The following SOS2 variants were observed in gnomAD, a reference collection of about 807,000 sequenced individuals.
The protein encoded by SOS2 is SOS Ras/Rho guanine nucleotide exchange factor 2, also known as son of sevenless homolog 2.
SOS2 carries 65 observed loss-of-function variants against 148.2 expected under a neutral mutation model. The observed-to-expected ratio is 0.44, with a 90% CI of 0.36 to 0.54. SOS2 has a LOEUF of 0.54. Among genes scored for constraint, SOS2 ranks in the 20% least tolerant of loss-of-function variants. The probability of loss-of-function intolerance (pLI) is 0.00; values close to 1 mark genes in which losing one functional copy is unlikely to be tolerated. For synonymous variants in SOS2, 539 were observed against 537.1 expected, an observed-to-expected ratio of 1.00 and a Z score of -0.05; for missense variants, 1,341 against 1,590.2, an observed-to-expected ratio of 0.84 and a Z score of 2.67.
At position 50,134,253 on chromosome 14, in the gene SOS2, A is replaced by C; in HGVS notation, c.2959-14T>G. ...TTCAAAGAATCTCTGGAATTAAACA[A>C]ATAACACAAGTGCATATATAGTAAG... On this transcript the variant is annotated splice_polypyrimidine_tract_variant and intron_variant, in intron 18 of 22. Transcript: ENST00000216373. 8.3e-7 allele frequency: 1 copy of C among 1,201,564 alleles called. No individual in the cohort carries two copies. Among genetic ancestry groups the C allele is most frequent in the Non-Finnish European group, 1.2e-6 (1 of 815,792 alleles). 74.4% of individuals were successfully genotyped at this position (1,201,564 alleles called of 1,614,324 possible). A position where few individuals can be genotyped will look rare whatever the true frequency, so the allele number is the denominator to read the frequency against.
intron 8 of SOS2, among the ~76,000 whole-genome samples, chr14:50,168,869 A>G (rs950094899): frequency 6.6e-6 from 1 of 152,188 alleles, no homozygotes; most frequent in Non-Finnish European, 1.5e-5. Context: ...TGCTTTGGTG[A>G]TCTACCAAGA....
chr14:50,141,562 C>T (rs371048038), intron 16 of SOS2, among the ~76,000 whole-genome samples: 4 of 152,062 alleles, frequency 2.6e-5, no homozygotes, highest in Non-Finnish European at 5.9e-5. Flanking sequence ...ATACATCTAG[C>T]AAAAGAGGTA....
intron 1 of SOS2, among the ~76,000 whole-genome samples, chr14:50,213,679 CA>C (rs1278362456): frequency 5.4e-5 from 8 of 147,254 alleles, no homozygotes; most frequent in South Asian, 2.2e-4. Context: ...CCCCCCACCC[CA>C]AAAAAAAACC....
chr14:50,171,370 T>C (rs1203109666), intron 8 of SOS2, among the ~76,000 whole-genome samples: 4 of 151,890 alleles, frequency 2.6e-5, no homozygotes, highest in African/African-American at 9.7e-5. Flanking sequence ...GCATTATTTA[T>C]AGTAACCAAA....
intron 7 of SOS2, among the ~76,000 whole-genome samples, chr14:50,175,074 T>A (rs1476282712): frequency 6.6e-6 from 1 of 152,246 alleles, no homozygotes; most frequent in African/African-American, 2.4e-5. Flanking sequence ...CAGCTCAGTT[T>A]GTCAGAAGTC....
At chr14:50,230,875 A>G in intron 1 of SOS2, 1 of 1,033,962 alleles carries the variant, frequency 9.7e-7, no homozygotes, top group Non-Finnish European at 1.2e-6. Flanking sequence ...AACTGTCTAA[A>G]TACCAGCGGG....
In SOS2 at chr14:50,150,223, A is replaced by T; in HGVS notation, c.2169T>A (p.Ala723=). 6.2e-7 allele frequency: 1 copy of T among 1,602,938 alleles called. No individual in the cohort carries two copies. ...CAATTGACTCTACCCATTTTTTCAT[A>T]GCTTTCCCTGGAAAAAGAACACATA... The part of the protein sequence containing the change: ...ESFISSVRGK[A]MKKWVESIAK... Residue 723 remains alanine, a synonymous_variant, in exon 14 of 23, where the codon GCT becomes GCA. Transcript: ENST00000216373.
chr14:50,146,611 C>T (rs778584680), intron 14 of SOS2, among the ~76,000 whole-genome samples: 30 of 152,148 alleles, frequency 2.0e-4, no homozygotes, highest in Non-Finnish European at 3.4e-4. Context: ...CATGCCACTG[C>T]ACTCCAGCCT....
At chr14:50,178,906 G>T (rs1378824059) in intron 7 of SOS2, among the ~76,000 whole-genome samples, 1 of 151,646 alleles carries the variant, frequency 6.6e-6, no homozygotes, top group Admixed American at 6.6e-5. Flanking sequence ...GCTAATTTTT[G>T]CATTTTTTAG....
intron 1 of SOS2, among the ~76,000 whole-genome samples, chr14:50,223,094 A>C (rs1392567976): frequency 6.6e-6 from 1 of 152,252 alleles, no homozygotes; most frequent in Non-Finnish European, 1.5e-5. Context: ...AAAAAAAGAC[A>C]ATATTCAAGA....
intron 11 of SOS2, among the ~76,000 whole-genome samples, chr14:50,157,991 A>G (rs1884873245): frequency 6.6e-6 from 1 of 152,160 alleles, no homozygotes; most frequent in Non-Finnish European, 1.5e-5. Flanking sequence ...TTTTCTAGAG[A>G]TACATAGAAA....
chr14:50,167,629 G>A (rs756284526), intron 8 of SOS2, among the ~76,000 whole-genome samples: 2 of 152,078 alleles, frequency 1.3e-5, no homozygotes, highest in Non-Finnish European at 2.9e-5. Context: ...AGCACTTTGG[G>A]AGGCTGAGGC....
intron 1 of SOS2, among the ~76,000 whole-genome samples, chr14:50,209,084 G>A (rs763817929): frequency 3.9e-5 from 6 of 152,170 alleles, no homozygotes; most frequent in African/African-American, 1.4e-4. Context: ...CTGTATTTGA[G>A]CTGGGACACC....
chr14:50,176,037 G>C (rs1354947050), intron 7 of SOS2, among the ~76,000 whole-genome samples: 1 of 152,178 alleles, frequency 6.6e-6, no homozygotes, highest in Non-Finnish European at 1.5e-5. Flanking sequence ...AATCCCCAAT[G>C]CAACAGTATT....
rs972027322 is a variant in SOS2 at position 50,180,579 on chromosome 14, T to C, written c.962A>G (p.His321Arg). The C allele has an allele frequency of 7.0e-7, 1 of 1,429,568 alleles. No individual in the cohort carries two copies. Among genetic ancestry groups the C allele is most frequent in the Non-Finnish European group, 9.6e-7 (1 of 1,041,792 alleles). The allele number at this position is 1,429,568 out of a possible 1,614,324, so 88.6% of individuals were successfully genotyped here. Reference sequence around the variant, plus strand: ...CCTTCAATTTAAGTTTACCTGAAAGTGTAGAGCAACTGCAGGTCTGGCCAT... The same window carrying C: ...CCTTCAATTTAAGTTTACCTGAAAGCGTAGAGCAACTGCAGGTCTGGCCAT... Reference protein sequence around the residue: ...KLMARPAVALHFQSIADGFKE... With the variant: ...KLMARPAVALRFQSIADGFKE... The change falls in exon 7 of 23, where the codon CAC (histidine) becomes CGC (arginine). Residue 321 changes from histidine (H) to arginine (R), a missense_variant. Physicochemically the swap from His to Arg is conservative, Grantham distance 29. Coordinates refer to ENST00000216373, the MANE Select transcript of SOS2 (RefSeq NM_006939.4).
intron 14 of SOS2, among the ~76,000 whole-genome samples, chr14:50,147,003 T>C (rs1018334456): frequency 3.3e-5 from 5 of 151,280 alleles, no homozygotes; most frequent in African/African-American, 1.2e-4. Flanking sequence ...GAGACTATCC[T>C]GGGCAATCAT....
chr14:50,178,670 G>GTGTATATATATATATATA (rs1566839555), intron 7 of SOS2, among the ~76,000 whole-genome samples: 1 of 67,964 alleles, frequency 1.5e-5, no homozygotes, highest in Admixed American at 1.7e-4. Context: ...GTGTGTGTGT[G>GTGTATATATATATATATA]CATATATATA....
chr14:50,201,023 G>C lies in SOS2; in HGVS notation c.275C>G (p.Ser92Cys). The C allele has an allele frequency of 6.2e-7, 1 of 1,613,898 alleles. No homozygotes were observed. The highest frequency in any genetic ancestry group is 8.5e-7 in the Non-Finnish European group (1 of 1,179,852). The change falls in exon 3 of 23, where the codon TCT (serine) becomes TGT (cysteine). Residue 92 changes from serine (S) to cysteine (C), a missense_variant. Around this residue, in one of 4 missense-constraint regions of SOS2, gnomAD observed 574 missense variants for 711.1 expected, o/e 0.81. Coordinates refer to ENST00000216373, the MANE Select transcript of SOS2 (RefSeq NM_006939.4). Reference sequence around the variant, plus strand: ...TCTTCGTTTTCGTTTTTCTATAGCAGATTGTGCATCAGCAATGGCCCATTT... The same window carrying C: ...TCTTCGTTTTCGTTTTTCTATAGCACATTGTGCATCAGCAATGGCCCATTT... Reference protein sequence around the residue: ...IDKWAIADAQSAIEKRKRRNP... With the variant: ...IDKWAIADAQCAIEKRKRRNP...
chr14:50,207,188 T>C lies in SOS2; in HGVS notation c.88-2779A>G, dbSNP rs960272245. ...CAATTTATTTTGGGACTAGACTTTA[T>C]ATAAAAACTCAAAAAGAAAGATGAA... On this transcript the variant is annotated intron_variant, in intron 1 of 22. Coordinates refer to ENST00000216373, the MANE Select transcript of SOS2 (RefSeq NM_006939.4). 4.1e-4 allele frequency among the ~76,000 whole-genome samples: 62 copies of C among 152,108 alleles called. 2 individuals are homozygous for C. Among genetic ancestry groups the C allele is most frequent in the Admixed American group, 2.6e-4 (4 of 15,250 alleles).
Sources: gnomAD v4.1 joint callset for allele counts (sites outside exome capture counted in the v4.1 genomes callset) on GRCh38, gnomAD v4.1.1 for gene constraint, gnomAD v4.1.1 regional missense constraint, MANE v1.5 for transcripts, NCBI Gene and HGNC (gene_info 2026-07-23, HGNC 2026-07-21) for gene names.